Variants in NRXN3 observed in about 807,000 individuals in gnomAD.
NRXN3 encodes the protein neurexin 3.
In NRXN3, 32 loss-of-function variants were observed where a neutral mutation model predicts 137.6. The ratio of observed to expected loss-of-function variants is 0.23; its 90% CI spans 0.18 to 0.31. NRXN3 has a LOEUF of 0.31. NRXN3 is among the 10% of genes least tolerant of loss of function. The pLI, the probability that NRXN3 is intolerant of heterozygous loss-of-function variation, is 1.00. For synonymous variants in NRXN3, 798 were observed against 784.5 expected, an observed-to-expected ratio of 1.02 and a Z score of -0.29; for missense variants, 1,574 against 2,062.5, an observed-to-expected ratio of 0.76 and a Z score of 4.59.
chr14:79,145,876 C>A (rs966007833), intron 15 of NRXN3, among the ~76,000 whole-genome samples: 4 of 152,104 alleles, frequency 2.6e-5, no homozygotes, highest in Admixed American at 2.0e-4. Context: ...TTTATTAATA[C>A]CTTCATGGTT....
chr14:78,835,406 G>A (rs1386211276), intron 10 of NRXN3, among the ~76,000 whole-genome samples: 3 of 152,152 alleles, frequency 2.0e-5, no homozygotes, highest in Admixed American at 2.0e-4. Context: ...AATTGGAAGC[G>A]ATAGGTTTGG....
At chr14:79,029,188 A>T (rs753753605) in intron 15 of NRXN3, among the ~76,000 whole-genome samples, 5 of 152,124 alleles carry the variant, frequency 3.3e-5, no homozygotes, top group Non-Finnish European at 7.4e-5. Context: ...TATATCAGTT[A>T]TTCTGCATGA....
intron 16 of NRXN3, among the ~76,000 whole-genome samples, chr14:79,593,676 C>T (rs1602611433): frequency 7.1e-6 from 1 of 140,958 alleles, no homozygotes; most frequent in Non-Finnish European, 1.6e-5. Flanking sequence ...AACAAGCAAA[C>T]ACATGAACCT....
chr14:79,308,890 A>AT (rs563424253), intron 15 of NRXN3, among the ~76,000 whole-genome samples: 5,898 of 71,558 alleles, frequency 0.082, 241 homozygotes, highest in African/African-American at 0.18. Flanking sequence ...ATTTTATTTT[A>AT]TTTTTTTTTA....
At chr14:79,552,486 T>C (rs539903197) in intron 16 of NRXN3, among the ~76,000 whole-genome samples, 20 of 152,148 alleles carry the variant, frequency 1.3e-4, no homozygotes, top group African/African-American at 4.6e-4. Context: ...TTTGCTGAAA[T>C]AAACTGGAAA....
chr14:79,861,117 C>T lies in NRXN3; in HGVS notation c.4094-225C>T, dbSNP rs1055840661. ...ATTGCTACTCGTGCACCTTCCATTACACTCCCCCCTACCTTTCGCCCCCTC... is the reference window on the plus strand; with the variant it reads ...ATTGCTACTCGTGCACCTTCCATTATACTCCCCCCTACCTTTCGCCCCCTC... On this transcript the variant is annotated intron_variant, in intron 20 of 20. Coordinates refer to ENST00000335750, the MANE Select transcript of NRXN3 (RefSeq NM_001330195.2). This position sits in a 1 kb window ranked among gnomAD's most constrained non-coding sequence, Gnocchi z 5.4. The T allele has an allele frequency of 6.8e-7, 1 of 1,475,070 alleles. No individual in the cohort carries two copies. Among genetic ancestry groups the T allele is most frequent in the South Asian group, 1.4e-5 (1 of 73,116 alleles). 91.4% of individuals were successfully genotyped at this position (1,475,070 alleles called of 1,614,324 possible).
intron 6 of NRXN3, among the ~76,000 whole-genome samples, chr14:78,690,081 A>G (rs2098158592): frequency 6.6e-6 from 1 of 152,142 alleles, no homozygotes; most frequent in African/African-American, 2.4e-5. Flanking sequence ...AATCATGTCT[A>G]TCTTTGCCAT....
chr14:79,304,870 T>C (rs2085772358), intron 15 of NRXN3, among the ~76,000 whole-genome samples: 1 of 152,084 alleles, frequency 6.6e-6, no homozygotes. Flanking sequence ...TAACATTTAT[T>C]TAACACAGGT....
intron 15 of NRXN3, among the ~76,000 whole-genome samples, chr14:79,386,325 G>A (rs1377731499): frequency 3.9e-5 from 6 of 152,050 alleles, no homozygotes. Flanking sequence ...CAAACAGAGA[G>A]CCAAATCATG....
chr14:78,680,874 C>T (rs2098067650), intron 6 of NRXN3, among the ~76,000 whole-genome samples: 2 of 152,108 alleles, frequency 1.3e-5, no homozygotes, highest in Admixed American at 6.6e-5. Flanking sequence ...TAAATTGATA[C>T]CCTGATATTT....
At chr14:79,046,374 G>C (rs1403922607) in intron 15 of NRXN3, among the ~76,000 whole-genome samples, 1 of 152,178 alleles carries the variant, frequency 6.6e-6, no homozygotes, top group Non-Finnish European at 1.5e-5. Context: ...TTTGGAGCAA[G>C]GTCTAGAAGC....
chr14:78,727,745 A>G (rs1325736305), intron 8 of NRXN3, among the ~76,000 whole-genome samples: 3 of 152,338 alleles, frequency 2.0e-5, no homozygotes, highest in African/African-American at 7.2e-5. Context: ...TCAAAAAAAA[A>G]TGCTGTGGGC....
chr14:79,144,089 C>T (rs12886902), intron 15 of NRXN3, among the ~76,000 whole-genome samples: 1,976 of 152,308 alleles, frequency 0.013, 14 homozygotes, highest in South Asian at 0.025. Context: ...GGACACTCAT[C>T]CGTCCCGTTG....
chr14:78,819,081 C>A (rs796893272), intron 10 of NRXN3, among the ~76,000 whole-genome samples: 19 of 152,252 alleles, frequency 1.2e-4, no homozygotes, highest in African/African-American at 4.6e-4. Flanking sequence ...CTTCATCTGA[C>A]CACTTGCTTG....
intron 15 of NRXN3, among the ~76,000 whole-genome samples, chr14:79,018,490 T>C (rs1182898410): frequency 6.6e-6 from 1 of 152,084 alleles, no homozygotes; most frequent in African/African-American, 2.4e-5. Flanking sequence ...GAGGACTTAA[T>C]TTGCATCTCT....
chr14:78,934,750 A>C (rs2099330696), intron 10 of NRXN3, among the ~76,000 whole-genome samples: 1 of 152,092 alleles, frequency 6.6e-6, no homozygotes, highest in Non-Finnish European at 1.5e-5. Flanking sequence ...CATAGGTGGG[A>C]ATTGAACAGT....
chr14:79,191,372 G>T (rs547864397), intron 15 of NRXN3, among the ~76,000 whole-genome samples: 2 of 152,172 alleles, frequency 1.3e-5, no homozygotes, highest in Admixed American at 6.5e-5. Flanking sequence ...TCGTCTAATG[G>T]CAGTTCTGCA....
chr14:79,840,010 T>C (rs766003503), intron 20 of NRXN3, among the ~76,000 whole-genome samples: 3 of 152,186 alleles, frequency 2.0e-5, no homozygotes, highest in Non-Finnish European at 2.9e-5. Context: ...CGAATGCTTG[T>C]ATATCTAGCA....
Position 78,740,343 on chromosome 14 carries a change from C to T in NRXN3, c.2044+25204C>T, listed in dbSNP as rs2098559075. ...GACCCAGAGAAACCTTTATTCTTTT[C>T]TCGTAACAGTTAATAATAAAGCACT... On this transcript the variant is annotated intron_variant, in intron 8 of 20. Coordinates refer to ENST00000335750, the MANE Select transcript of NRXN3 (RefSeq NM_001330195.2). 1.3e-5 allele frequency among the ~76,000 whole-genome samples: 2 copies of T among 150,936 alleles called. 1 individual carries two copies. The highest frequency in any genetic ancestry group is 1.3e-4 in the Admixed American group (2 of 15,054).
Sources: allele counts gnomAD v4.1 joint callset (sites outside exome capture counted in the v4.1 genomes callset), GRCh38; gene constraint gnomAD v4.1.1; non-coding constraint Gnocchi (gnomAD v3.1); transcripts MANE v1.5; gene names NCBI Gene and HGNC (gene_info 2026-07-23, HGNC 2026-07-21).